Variants in SNX9 observed in about 807,000 individuals in gnomAD.
SNX9 encodes the protein sorting nexin-9.
A neutral mutation model predicts 89.4 loss-of-function variants in SNX9; 44 were observed. The ratio of observed to expected loss-of-function variants is 0.49; its 90% confidence interval spans 0.39 to 0.63. The LOEUF is 0.63. SNX9 is among the 30% of genes least tolerant of loss of function. SNX9 has a pLI of 0.00. For missense variants in SNX9, 578 were observed against 736.1 expected, an observed-to-expected ratio of 0.79 and a Z score of 2.49; for synonymous variants, 236 against 247.8, an observed-to-expected ratio of 0.95 and a Z score of 0.45.
chr6:157,849,469 A>G (rs932132294), intron 1 of SNX9, among the ~76,000 whole-genome samples: 1 of 152,238 alleles, frequency 6.6e-6, no homozygotes, highest in Non-Finnish European at 1.5e-5. Context: ...AAGAGCGGCA[A>G]TGCTTAGTGT....
intron 9 of SNX9, among the ~76,000 whole-genome samples, chr6:157,915,474 A>G (rs1209542156): frequency 6.6e-6 from 1 of 151,354 alleles, no homozygotes; most frequent in Non-Finnish European, 1.5e-5. Context: ...TTCTGCATAT[A>G]TTTTGTTAGA....
intron 4 of SNX9, among the ~76,000 whole-genome samples, chr6:157,895,337 G>C (rs1782956905): frequency 1.3e-5 from 2 of 152,016 alleles, no homozygotes; most frequent in Admixed American, 6.5e-5. Context: ...AGTTAGGAGG[G>C]GTCTGATAGG....
intron 1 of SNX9, among the ~76,000 whole-genome samples, chr6:157,835,665 C>T (rs374231197): frequency 6.6e-6 from 1 of 152,186 alleles, no homozygotes; most frequent in African/African-American, 2.4e-5. Flanking sequence ...TCGATTTCCC[C>T]CATGCTGACT....
chr6:157,892,476 A>G (rs1782883384), intron 4 of SNX9, among the ~76,000 whole-genome samples: 1 of 146,658 alleles, frequency 6.8e-6, no homozygotes, highest in Non-Finnish European at 1.5e-5. Flanking sequence ...GCGTTCCAGG[A>G]AAAAAAAAAA....
At chr6:157,887,543 G>C (rs919144678) in intron 4 of SNX9, among the ~76,000 whole-genome samples, 1 of 152,112 alleles carries the variant, frequency 6.6e-6, no homozygotes, top group African/African-American at 2.4e-5. Flanking sequence ...TGCCTGCTCC[G>C]TGTCCTGGAG....
In SNX9 at chr6:157,911,496, C is replaced by T. The variant is rs202109568; in HGVS notation, c.949+1471C>T. ...CCAGATGGAAACATGTCAGCACTGCCGTGGAGTTTGTCCCACGTGTTCCTG... is the reference window on the plus strand; with the variant it reads ...CCAGATGGAAACATGTCAGCACTGCTGTGGAGTTTGTCCCACGTGTTCCTG... On this transcript the variant is annotated intron_variant, in intron 9 of 17. Transcript: ENST00000392185. 3.2e-4 allele frequency among the ~76,000 whole-genome samples: 48 copies of T among 152,328 alleles called. No individual in the cohort carries two copies. In the East Asian group the frequency reaches 7.2e-3, roughly 23 times the overall value.
chr6:157,825,158 G>A (rs752959467), intron 1 of SNX9, among the ~76,000 whole-genome samples: 4 of 152,332 alleles, frequency 2.6e-5, no homozygotes, highest in South Asian at 2.1e-4. Context: ...TGAGGCAGGA[G>A]AATCGCTTGA....
chr6:157,823,393 G>A lies in SNX9; in HGVS notation c.-42G>A. 1 of 1,273,500 alleles carries A rather than the reference G, an allele frequency of 7.9e-7. No homozygotes were observed. Among genetic ancestry groups the A allele is most frequent in the Non-Finnish European group, 1.0e-6 (1 of 1,002,470 alleles). 78.9% of individuals were successfully genotyped at this position (1,273,500 alleles called of 1,614,324 possible). A position where few individuals can be genotyped will look rare whatever the true frequency, so the allele number is the denominator to read the frequency against. ...GGCTCAGAATCACCATCCGCGGCGC[G>A]GGAGACGAGCCGGCCGTCCCGGGCC... On this transcript the variant is annotated 5_prime_UTR_variant, in exon 1 of 18. Transcript: ENST00000392185. The surrounding 1 kb of genome is among the most constrained non-coding windows in gnomAD (Gnocchi z 4.6).
intron 9 of SNX9, among the ~76,000 whole-genome samples, chr6:157,913,568 T>C (rs73026690): frequency 0.046 from 6,999 of 152,296 alleles, 199 homozygotes; most frequent in East Asian, 0.11. Context: ...GTTCTGAGTT[T>C]TGACAGCTAC....
At chr6:157,932,300 G>C (rs764172044) in intron 13 of SNX9, 28 bp downstream of exon 13, 75 of 1,595,814 alleles carry the variant, frequency 4.7e-5, no homozygotes, top group Non-Finnish European at 6.4e-5. Flanking sequence ...CATCCAGTGG[G>C]CCTTTAGAGC....
chr6:157,911,283 A>T (rs188597561), intron 9 of SNX9, among the ~76,000 whole-genome samples: 59 of 152,314 alleles, frequency 3.9e-4, no homozygotes, highest in African/African-American at 1.3e-3. Context: ...AGAGGCCTGT[A>T]AGAGATGTAA....
At chr6:157,897,429 T>G (rs1434230083) in intron 5 of SNX9, among the ~76,000 whole-genome samples, 1 of 152,186 alleles carries the variant, frequency 6.6e-6, no homozygotes, top group Non-Finnish European at 1.5e-5. Context: ...TGCCCCTACA[T>G]GTTCAGCACC....
At chr6:157,858,848 C>T (rs1194927589) in intron 1 of SNX9, among the ~76,000 whole-genome samples, 1 of 152,156 alleles carries the variant, frequency 6.6e-6, no homozygotes, top group Non-Finnish European at 1.5e-5. Context: ...ATGAGACTTA[C>T]TCACTACCAC....
intron 14 of SNX9, 37 bp downstream of exon 14, chr6:157,936,077 T>A (rs550604836): frequency 6.6e-7 from 1 of 1,525,498 alleles, no homozygotes; most frequent in South Asian, 1.2e-5. Flanking sequence ...TTAAGATTTG[T>A]TGCTATCTAG....
chr6:157,843,710 C>T (rs894675820), intron 1 of SNX9, among the ~76,000 whole-genome samples: 3 of 152,122 alleles, frequency 2.0e-5, no homozygotes, highest in Admixed American at 2.0e-4. Flanking sequence ...TCTTTGTGTA[C>T]TTCTGATTGC....
Position 157,906,167 on chromosome 6 carries a change from G to C in SNX9, c.660G>C (p.Leu220Phe). 6.3e-7 allele frequency: 1 copy of C among 1,597,368 alleles called. No homozygotes were observed. The highest frequency in any genetic ancestry group is 8.5e-7 in the Non-Finnish European group (1 of 1,175,954). ...CGAAACCTGGCACGGAACAGTATTT[G>C]TTGGCCAAACAACTAGCAAAACCCA... ...GFAKPGTEQY[L>F]LAKQLAKPKE... Residue 220 changes from leucine (L) to phenylalanine (F), a missense_variant, in exon 7 of 18, where the codon TTG becomes TTC. Around this residue, in one of 2 missense-constraint regions of SNX9, gnomAD observed 348 missense variants for 491.4 expected, o/e 0.71. Coordinates refer to ENST00000392185, the MANE Select transcript of SNX9 (RefSeq NM_016224.5).
At chr6:157,854,859 A>C (rs562111385) in intron 1 of SNX9, among the ~76,000 whole-genome samples, 1 of 151,458 alleles carries the variant, frequency 6.6e-6, no homozygotes, top group Non-Finnish European at 1.5e-5. Context: ...ATAAATTTTG[A>C]TGTTTGCAAC....
At chr6:157,924,850 CT>C (rs1348821876) in intron 10 of SNX9, among the ~76,000 whole-genome samples, 1 of 152,136 alleles carries the variant, frequency 6.6e-6, no homozygotes, top group East Asian at 1.9e-4. Context: ...TACTTTTCTT[CT>C]TTTGTATATG....
At chr6:157,882,646 C>T (rs938611365) in intron 4 of SNX9, among the ~76,000 whole-genome samples, 10 of 152,068 alleles carry the variant, frequency 6.6e-5, no homozygotes, top group Non-Finnish European at 1.5e-4. Flanking sequence ...GATTCCAACC[C>T]TCATAGAAGA....
Sources: allele counts gnomAD v4.1 joint callset (sites outside exome capture counted in the v4.1 genomes callset), GRCh38; gene constraint gnomAD v4.1.1; regional missense constraint gnomAD v4.1.1; non-coding constraint Gnocchi (gnomAD v3.1); transcripts MANE v1.5; gene names NCBI Gene and HGNC (gene_info 2026-07-23, HGNC 2026-07-21).